TTC7B: variants seen among roughly 807,000 people sequenced by gnomAD.
The protein encoded by TTC7B is tetratricopeptide repeat protein 7B.
A neutral mutation model predicts 106.8 loss-of-function variants in TTC7B; 28 were observed. The ratio of observed to expected loss-of-function variants is 0.26; its 90% CI spans 0.19 to 0.36. TTC7B has a LOEUF of 0.36. Ranked by LOEUF, TTC7B falls within the 10% of genes least tolerant of loss-of-function variation. The pLI is 1.00. For synonymous variants in TTC7B, 405 were observed against 430.6 expected, an observed-to-expected ratio of 0.94 and a Z score of 0.74; for missense variants, 862 against 1,076.4, an observed-to-expected ratio of 0.80 and a Z score of 2.79.
At chr14:90,647,977 C>G (rs1885540196) in intron 13 of TTC7B, among the ~76,000 whole-genome samples, 1 of 151,906 alleles carries the variant, frequency 6.6e-6, no homozygotes, top group African/African-American at 2.4e-5. Context: ...AAAAGAAAAC[C>G]AAATCATTAT....
chr14:90,788,690 C>T (rs1312133659), intron 1 of TTC7B, among the ~76,000 whole-genome samples: 3 of 152,024 alleles, frequency 2.0e-5, no homozygotes, highest in African/African-American at 7.3e-5. Flanking sequence ...TTAGGCAGGG[C>T]GCAGTGGCTC....
chr14:90,624,842 G>C lies in TTC7B; in HGVS notation c.1752-6797C>G, dbSNP rs560446946. On this transcript the variant is annotated intron_variant, in intron 15 of 19. Coordinates refer to ENST00000328459, the MANE Select transcript of TTC7B (RefSeq NM_001010854.2). This position sits in a 1 kb window ranked among gnomAD's most constrained non-coding sequence, Gnocchi z 4.0. ...GGGAACCTTGAACATTTCGTATCTT[G>C]TGCTGATCTGTGTTTGCGAGCTCCT... 6.6e-6 allele frequency among the ~76,000 whole-genome samples: 1 copy of C among 152,350 alleles called. No individual in the cohort carries two copies. Among genetic ancestry groups the C allele is most frequent in the East Asian group, 1.9e-4 (1 of 5,184 alleles).
chr14:90,571,196 A>G (rs1180475873), intron 19 of TTC7B, among the ~76,000 whole-genome samples: 1 of 152,204 alleles, frequency 6.6e-6, no homozygotes, highest in African/African-American at 2.4e-5. Context: ...AGAGAAAGGT[A>G]ATCCTTAAGC....
At chr14:90,779,361 T>C (rs1891136263) in intron 3 of TTC7B, among the ~76,000 whole-genome samples, 1 of 152,230 alleles carries the variant, frequency 6.6e-6, no homozygotes, top group Non-Finnish European at 1.5e-5. Context: ...TGGAGTGCAA[T>C]GGCGCGATCT....
intron 18 of TTC7B, among the ~76,000 whole-genome samples, chr14:90,589,634 A>G (rs1891869636): frequency 6.6e-6 from 1 of 152,242 alleles, no homozygotes; most frequent in Non-Finnish European, 1.5e-5. Flanking sequence ...GTATAGGGAT[A>G]CTTATTGAAG....
At chr14:90,676,405 G>T (rs1886839078) in intron 9 of TTC7B, 118 bp downstream of exon 9, 2 of 1,255,990 alleles carry the variant, frequency 1.6e-6, no homozygotes, top group South Asian at 2.9e-5. Flanking sequence ...ACTGGCCCAA[G>T]ATCACATGGC....
At chr14:90,652,091 A>T (rs1239570196) in intron 13 of TTC7B, among the ~76,000 whole-genome samples, 1 of 152,178 alleles carries the variant, frequency 6.6e-6, no homozygotes, top group African/African-American at 2.4e-5. Context: ...AGGGCAGTGT[A>T]GTATGGTGGG....
chr14:90,572,194 G>C (rs1276497614), intron 19 of TTC7B, among the ~76,000 whole-genome samples: 1 of 152,128 alleles, frequency 6.6e-6, no homozygotes. Flanking sequence ...ACGCATAATG[G>C]GATGAGATGT....
chr14:90,649,336 T>G (rs572390391), intron 13 of TTC7B, among the ~76,000 whole-genome samples: 1 of 152,326 alleles, frequency 6.6e-6, no homozygotes, highest in African/African-American at 2.4e-5. Context: ...AAGCTCCCTG[T>G]GTTGATCTCA....
intron 16 of TTC7B, among the ~76,000 whole-genome samples, chr14:90,617,521 G>A (rs1197317759): frequency 1.3e-5 from 2 of 152,178 alleles, no homozygotes; most frequent in Non-Finnish European, 2.9e-5. Context: ...GTAGCATGCG[G>A]CCTGATGTCT....
At chr14:90,809,378 T>C (rs181531978) in intron 1 of TTC7B, among the ~76,000 whole-genome samples, 50 of 152,346 alleles carry the variant, frequency 3.3e-4, no homozygotes, top group South Asian at 2.9e-3. Context: ...AGGGAGTGTA[T>C]CTACTGGGGC....
intron 5 of TTC7B, among the ~76,000 whole-genome samples, chr14:90,718,526 A>C (rs1327647362): frequency 6.6e-6 from 1 of 152,200 alleles, no homozygotes; most frequent in East Asian, 1.9e-4. Context: ...GAATGAGATC[A>C]TATCCAGGAA....
intron 5 of TTC7B, among the ~76,000 whole-genome samples, chr14:90,715,169 G>A (rs1446533365): frequency 1.3e-5 from 2 of 152,176 alleles, no homozygotes; most frequent in Non-Finnish European, 2.9e-5. Context: ...AGACCCATCC[G>A]ATGCCCTGTT....
At chr14:90,781,009 G>A (rs900278782) in intron 2 of TTC7B, 103 bp from the exon 3 acceptor site, 5 of 998,010 alleles carry the variant, frequency 5.0e-6, no homozygotes, top group Non-Finnish European at 7.6e-6. Flanking sequence ...ACAGCTCCCC[G>A]CACAAGAGCT....
At chr14:90,543,220 G>C (rs1297203010) in intron 19 of TTC7B, among the ~76,000 whole-genome samples, 1 of 152,100 alleles carries the variant, frequency 6.6e-6, no homozygotes, top group East Asian at 1.9e-4. Flanking sequence ...ATTGATCTTT[G>C]ATTTTTTTGC....
intron 1 of TTC7B, among the ~76,000 whole-genome samples, chr14:90,787,579 A>G (rs1891435319): frequency 6.6e-6 from 1 of 152,166 alleles, no homozygotes; most frequent in African/African-American, 2.4e-5. Flanking sequence ...TACCTATTAT[A>G]TATGCAATCT....
intron 9 of TTC7B, 59 bp from the exon 10 acceptor site, chr14:90,658,446 C>T (rs1339306764): frequency 6.7e-7 from 1 of 1,491,874 alleles, no homozygotes; most frequent in African/African-American, 1.4e-5. Context: ...CACAACTGCA[C>T]AAGTGTGAGT....
chr14:90,603,233 T>C, intron 17 of TTC7B: 1 of 1,283,938 alleles, frequency 7.8e-7, no homozygotes, highest in Non-Finnish European at 1.0e-6. Flanking sequence ...GAAGGATTAA[T>C]AGATTGGTAA....
chr14:90,672,097 G>A (rs1366240585), intron 9 of TTC7B, among the ~76,000 whole-genome samples: 4 of 152,320 alleles, frequency 2.6e-5, no homozygotes, highest in South Asian at 2.1e-4. Flanking sequence ...GGTCAGCCAA[G>A]GAGAGGAGCC....
Sources: gnomAD v4.1 joint callset for allele counts (sites outside exome capture counted in the v4.1 genomes callset) on GRCh38, gnomAD v4.1.1 for gene constraint, Gnocchi (gnomAD v3.1) non-coding constraint, MANE v1.5 for transcripts, NCBI Gene and HGNC (gene_info 2026-07-23, HGNC 2026-07-21) for gene names.